SYNE3: variants seen among roughly 807,000 people sequenced by gnomAD.
SYNE3 encodes spectrin repeat containing nuclear envelope family member 3, also known as nesprin-3.
Under a neutral mutation model 111.2 loss-of-function variants are expected in SYNE3, and 100 were observed. The ratio of observed to expected loss-of-function variants is 0.90; its 90% CI spans 0.77 to 1.06. The LOEUF is 1.06. Among genes scored for constraint, SYNE3 ranks in the 50% least tolerant of loss-of-function variants. The probability of loss-of-function intolerance (pLI) is 0.00; values close to 1 mark genes in which losing one functional copy is unlikely to be tolerated. For missense variants in SYNE3, 1,160 were observed against 1,240.3 expected (o/e 0.94, Z 0.97); for synonymous variants, 547 against 533.9 (o/e 1.02, Z -0.34).
intron 14 of SYNE3, 134 bp downstream of exon 14, chr14:95,438,899 G>T: frequency 8.0e-7 from 1 of 1,256,860 alleles, no homozygotes; most frequent in Non-Finnish European, 1.1e-6. Flanking sequence ...AGGCTCAAAT[G>T]AGACAGGACG....
rs376041353 is a variant in SYNE3, at chr14:95,439,793, C to G, written c.2074-9G>C. On this transcript the variant is annotated splice_polypyrimidine_tract_variant and intron_variant, in intron 12 of 17. Coordinates refer to ENST00000682763, the MANE Select transcript of SYNE3 (RefSeq NM_152592.6). ...AATTCTGCCACCAGCCTCTAAAGGA[C>G]ACACGGACACACAGACACACACACG... The G allele has an allele frequency of 1.6e-5, 26 of 1,607,194 alleles. No homozygotes were observed. The highest frequency in any genetic ancestry group is 1.3e-4 in the African/African-American group (10 of 74,970).
intron 2 of SYNE3, among the ~76,000 whole-genome samples, chr14:95,474,419 C>G (rs1418565928): frequency 1.3e-5 from 2 of 152,204 alleles, no homozygotes; most frequent in African/African-American, 4.8e-5. Context: ...TGGGCCTCAC[C>G]CACCTGCACA....
In SYNE3 at chr14:95,516,592, T is replaced by C. The variant is rs1890949608; in HGVS notation, c.-15+4A>G. Among the ~76,000 whole-genome samples, 1 of 118,430 alleles carries C rather than the reference T, an allele frequency of 8.4e-6. No individual in the cohort carries two copies. Among genetic ancestry groups the C allele is most frequent in the Non-Finnish European group, 1.8e-5 (1 of 55,028 alleles). The allele number at this position is 118,430 out of a possible 152,430, so 77.7% of individuals were successfully genotyped here. A position where few individuals can be genotyped will look rare whatever the true frequency, so the allele number is the denominator to read the frequency against. On this transcript the variant is annotated splice_donor_region_variant and intron_variant, in intron 1 of 17. Coordinates refer to ENST00000682763, the MANE Select transcript of SYNE3 (RefSeq NM_152592.6). ...GCCTGGCCTCCCGGCCCCGTGCCAC[T>C]TACCCTCCCGGAGCGTGGAGGAGCG...
intron 1 of SYNE3, among the ~76,000 whole-genome samples, chr14:95,489,154 G>A (rs533398798): frequency 6.6e-6 from 1 of 152,280 alleles, no homozygotes; most frequent in South Asian, 2.1e-4. Context: ...AACTCTCTGA[G>A]GACAGAACCA....
At chr14:95,502,120 C>T (rs539400096) in intron 1 of SYNE3, among the ~76,000 whole-genome samples, 17 of 152,268 alleles carry the variant, frequency 1.1e-4, no homozygotes, top group South Asian at 1.0e-3. Context: ...CCTGATTTGA[C>T]GCACACCATC....
At chr14:95,451,890 T>G in intron 7 of SYNE3, 4 of 164,318 alleles carry the variant, frequency 2.4e-5, no homozygotes, top group Non-Finnish European at 5.2e-5. Context: ...ACGGCTCAGA[T>G]GTTGAAGTCA....
chr14:95,488,737 A>AGAGGAGAGGAGAGGC, intron 1 of SYNE3, among the ~76,000 whole-genome samples: 1 of 149,018 alleles, frequency 6.7e-6, no homozygotes, highest in South Asian at 2.2e-4. Context: ...AGAGGAGAGG[A>AGAGGAGAGGAGAGGC]GAGGAGAGGA....
Position 95,455,663 on chromosome 14 carries a change from G to T in SYNE3, c.851C>A (p.Ala284Glu), listed in dbSNP as rs143391386. 4 of 1,614,192 alleles carry T rather than the reference G, an allele frequency of 2.5e-6. No homozygotes were observed. Among genetic ancestry groups the T allele is most frequent in the Non-Finnish European group, 3.4e-6 (4 of 1,180,048 alleles). Residue 284 changes from alanine (A) to glutamate (E), a missense_variant, in exon 6 of 18, where the codon GCG becomes GAG. Ala to Glu is a moderately radical substitution (Grantham distance 107). Coordinates refer to ENST00000682763, the MANE Select transcript of SYNE3 (RefSeq NM_152592.6). ...AGGAGAGGTGTTCCGAATGACACCC[G>T]CAGACTGCTCCTCCAGCGTCTCCAG... Reference protein sequence around the residue: ...ESLETLEEQSAGVIRNTSPLG... With the variant: ...ESLETLEEQSEGVIRNTSPLG...
At chr14:95,442,042 A>G (rs1368440679) in intron 11 of SYNE3, among the ~76,000 whole-genome samples, 3 of 152,252 alleles carry the variant, frequency 2.0e-5, no homozygotes, top group East Asian at 1.9e-4. Flanking sequence ...TGTCACTCCA[A>G]TCAACACACA....
intron 9 of SYNE3, among the ~76,000 whole-genome samples, chr14:95,444,988 G>A (rs901747157): frequency 2.6e-5 from 4 of 152,218 alleles, no homozygotes; most frequent in Non-Finnish European, 4.4e-5. Context: ...CTGCGACAGC[G>A]ACTGCCTGCC....
intron 1 of SYNE3, among the ~76,000 whole-genome samples, chr14:95,515,225 G>T (rs1324317918): frequency 1.3e-5 from 2 of 152,216 alleles, no homozygotes; most frequent in Admixed American, 6.5e-5. Flanking sequence ...AACGCCTGGG[G>T]CCAGCAGGCT....
At chr14:95,422,963 G>A (rs760148356) in intron 17 of SYNE3, among the ~76,000 whole-genome samples, 1 of 152,202 alleles carries the variant, frequency 6.6e-6, no homozygotes, top group Admixed American at 6.5e-5. Context: ...CTTCTGACTT[G>A]GATGTTGTCT....
At chr14:95,482,579 G>A (rs549082509) in intron 1 of SYNE3, among the ~76,000 whole-genome samples, 16 of 152,210 alleles carry the variant, frequency 1.1e-4, no homozygotes, top group Admixed American at 3.9e-4. Flanking sequence ...AGCCCCTCCC[G>A]AGCAAAGAAA....
At chr14:95,498,766 C>T (rs1890203746) in intron 1 of SYNE3, among the ~76,000 whole-genome samples, 1 of 152,138 alleles carries the variant, frequency 6.6e-6, no homozygotes, top group Admixed American at 6.5e-5. Flanking sequence ...AAGAGCCTGG[C>T]ACTGAGTGAG....
At chr14:95,452,096 G>C (rs1182614348) in intron 7 of SYNE3, 151 bp downstream of exon 7, 2 of 965,390 alleles carry the variant, frequency 2.1e-6, no homozygotes, top group African/African-American at 1.6e-5. Context: ...TCTGAGCCAA[G>C]TGAGAACCTC....
chr14:95,513,147 G>GC (rs771615594), intron 1 of SYNE3, among the ~76,000 whole-genome samples: 10 of 152,048 alleles, frequency 6.6e-5, no homozygotes, highest in South Asian at 4.2e-4. Flanking sequence ...CTTTGTAACT[G>GC]CCCCCCCGAC....
intron 11 of SYNE3, 49 bp downstream of exon 11, chr14:95,443,106 C>G: frequency 6.2e-7 from 1 of 1,606,076 alleles, no homozygotes; most frequent in Non-Finnish European, 8.5e-7. Context: ...TGTTGGATGA[C>G]AGGGGCCGGC....
chr14:95,449,056 C>T (rs772135389), intron 8 of SYNE3, among the ~76,000 whole-genome samples: 4 of 152,148 alleles, frequency 2.6e-5, no homozygotes, highest in Non-Finnish European at 4.4e-5. Flanking sequence ...GACACAAAAT[C>T]ATTTTATGGA....
rs55754307 is a variant in SYNE3, at chr14:95,470,684, A to G, written c.145-2717T>C. Reference sequence around the variant, plus strand: ...TAAAAATAAGAAAAAAAAGAGCCGGATGTGGTGGCTCACGCCTGTAATCCC... The same window carrying G: ...TAAAAATAAGAAAAAAAAGAGCCGGGTGTGGTGGCTCACGCCTGTAATCCC... On this transcript the variant is annotated intron_variant, in intron 2 of 17. Coordinates refer to ENST00000682763, the MANE Select transcript of SYNE3 (RefSeq NM_152592.6). The surrounding 1 kb of genome is among the most constrained non-coding windows in gnomAD (Gnocchi z 4.2). 0.3 allele frequency among the ~76,000 whole-genome samples: 45,810 copies of G among 151,368 alleles called. 7,238 individuals are homozygous for G. The highest frequency in any genetic ancestry group is 0.35 in the African/African-American group (14,431 of 41,250).
Sources: allele counts gnomAD v4.1 joint callset (sites outside exome capture counted in the v4.1 genomes callset), GRCh38; gene constraint gnomAD v4.1.1; non-coding constraint Gnocchi (gnomAD v3.1); transcripts MANE v1.5; gene names NCBI Gene and HGNC (gene_info 2026-07-23, HGNC 2026-07-21).